TANC2: variants seen among roughly 807,000 people sequenced by gnomAD.
The protein encoded by TANC2 is tetratricopeptide repeat, ankyrin repeat and coiled-coil containing 2.
TANC2 carries 26 observed loss-of-function variants against 210.5 expected under a neutral mutation model. The observed-to-expected ratio is 0.12, with a 90% CI of 0.09 to 0.17. The LOEUF (loss-of-function observed/expected upper bound fraction) is 0.17. TANC2 is among the 10% of genes least tolerant of loss of function. TANC2 has a pLI of 1.00. For synonymous variants in TANC2, 931 were observed against 967.1 expected (o/e 0.96, Z 0.69); for missense variants, 2,129 against 2,608.9 (o/e 0.82, Z 4.01).
chr17:63,132,129 CAG>C (rs745328758), intron 4 of TANC2, among the ~76,000 whole-genome samples: 10 of 152,094 alleles, frequency 6.6e-5, no homozygotes, highest in Admixed American at 6.6e-4. Context: ...AGTAAAATGA[CAG>C]AAATCACAAG....
intron 4 of TANC2, among the ~76,000 whole-genome samples, chr17:63,147,508 T>C (rs562781099): frequency 6.6e-6 from 1 of 152,332 alleles, no homozygotes; most frequent in East Asian, 1.9e-4. Context: ...TCTAATCCAG[T>C]GTTCACAAAC....
chr17:63,208,432 G>A (rs1247081452), intron 7 of TANC2, among the ~76,000 whole-genome samples: 3 of 152,264 alleles, frequency 2.0e-5, no homozygotes, highest in Non-Finnish European at 4.4e-5. Flanking sequence ...ACCGCTATAA[G>A]TCTTGATACT....
intron 4 of TANC2, among the ~76,000 whole-genome samples, chr17:63,122,251 C>T (rs1467936148): frequency 6.6e-6 from 1 of 152,174 alleles, no homozygotes; most frequent in Non-Finnish European, 1.5e-5. Context: ...TTTAATCTAG[C>T]ATCTCTAAAA....
intron 7 of TANC2, among the ~76,000 whole-genome samples, chr17:63,216,491 G>A (rs372334987): frequency 1.4e-4 from 21 of 152,314 alleles, no homozygotes; most frequent in South Asian, 1.2e-3. Context: ...TTGAACTCGA[G>A]GAGGTTGTGT....
chr17:63,175,453 G>A (rs1189821597), intron 5 of TANC2, among the ~76,000 whole-genome samples: 1 of 147,996 alleles, frequency 6.8e-6, no homozygotes, highest in South Asian at 2.1e-4. Flanking sequence ...CTGGAGCCCA[G>A]TAGTTTGAGG....
chr17:63,063,535 T>TGC (rs1568355544), intron 2 of TANC2, among the ~76,000 whole-genome samples: 2 of 83,364 alleles, frequency 2.4e-5, no homozygotes. Context: ...CAAAGACGTG[T>TGC]GTGTGTGTGT....
At chr17:63,128,093 A>G (rs1318496008) in intron 4 of TANC2, among the ~76,000 whole-genome samples, 1 of 152,248 alleles carries the variant, frequency 6.6e-6, no homozygotes, top group Non-Finnish European at 1.5e-5. Flanking sequence ...AAATACAGAA[A>G]GAAAGCACCT....
At chr17:63,152,501 A>G (rs1208663922) in intron 5 of TANC2, 1 of 152,150 alleles carries the variant, frequency 6.6e-6, no homozygotes, top group Non-Finnish European at 1.5e-5. Context: ...ACTCTTATAG[A>G]TAACCATTCT....
At chr17:63,312,259 C>T (rs930832848) in intron 9 of TANC2, among the ~76,000 whole-genome samples, 2 of 152,048 alleles carry the variant, frequency 1.3e-5, no homozygotes, top group African/African-American at 2.4e-5. Context: ...AAGACATATG[C>T]ATGCGTATGT....
At chr17:63,332,416 C>A in intron 11 of TANC2, 1 of 328,128 alleles carries the variant, frequency 3.0e-6, no homozygotes, top group South Asian at 2.8e-5. Context: ...TCACAGTACC[C>A]TGTTGGTAAT....
chr17:63,415,183 A>G (rs191832688), intron 25 of TANC2, among the ~76,000 whole-genome samples: 13 of 152,224 alleles, frequency 8.5e-5, no homozygotes, highest in Non-Finnish European at 1.2e-4. Context: ...TTAGGAAGTC[A>G]TATGTGTTAT....
At chr17:63,018,443 T>C (rs908024514) in intron 2 of TANC2, among the ~76,000 whole-genome samples, 1 of 149,594 alleles carries the variant, frequency 6.7e-6, no homozygotes, top group Non-Finnish European at 1.5e-5. Flanking sequence ...ATCTTTCCAT[T>C]GCATTCCAGC....
chr17:63,110,976 G>A (rs986374888), intron 4 of TANC2, among the ~76,000 whole-genome samples: 1 of 152,126 alleles, frequency 6.6e-6, no homozygotes, highest in Non-Finnish European at 1.5e-5. Context: ...TACCTGTATT[G>A]TATTATTGGT....
intron 5 of TANC2, among the ~76,000 whole-genome samples, chr17:63,176,929 T>C (rs2040604912): frequency 6.6e-6 from 1 of 152,060 alleles, no homozygotes. Context: ...TTCAGTATCT[T>C]GATTTTGGTA....
intron 2 of TANC2, among the ~76,000 whole-genome samples, chr17:63,041,698 A>C (rs967863424): frequency 1.3e-5 from 2 of 152,172 alleles, no homozygotes; most frequent in Non-Finnish European, 1.5e-5. Flanking sequence ...CTCTAAAAAG[A>C]GTTTTATGTT....
intron 4 of TANC2, among the ~76,000 whole-genome samples, chr17:63,103,273 C>A (rs1454144066): frequency 2.6e-5 from 4 of 152,084 alleles, no homozygotes; most frequent in Non-Finnish European, 5.9e-5. Context: ...GTCTTCCATG[C>A]CGGTGTATAT....
Position 63,388,596 on chromosome 17 carries a change from G to C in TANC2, c.2692-39G>C, listed in dbSNP as rs769716811. Reference sequence around the variant, plus strand: ...TTCACCACTGATGCTACTTTTTTTTGCTGGGCTACTAATTTAATTGTCTGT... The same window carrying C: ...TTCACCACTGATGCTACTTTTTTTTCCTGGGCTACTAATTTAATTGTCTGT... On this transcript the variant is annotated intron_variant, in intron 15 of 27. Coordinates refer to ENST00000689528, the Ensembl canonical transcript of TANC2. 8 of 1,559,992 alleles carry C rather than the reference G, an allele frequency of 5.1e-6. No individual in the cohort carries two copies. The African/African-American group carries it at 9.7e-5, about 19-fold the overall frequency.
At chr17:63,246,028 A>G (rs896741032) in intron 8 of TANC2, among the ~76,000 whole-genome samples, 2 of 150,570 alleles carry the variant, frequency 1.3e-5, no homozygotes, top group African/African-American at 4.9e-5. Flanking sequence ...AAAAAAAATT[A>G]TATGTATGTA....
chr17:63,369,960 C>T (rs8078255), intron 14 of TANC2, among the ~76,000 whole-genome samples: 83,244 of 151,678 alleles, frequency 0.55, 24,211 homozygotes, highest in African/African-American at 0.72. Context: ...AAAGACCAAG[C>T]GCTTTTGAGT....
Sources: allele counts gnomAD v4.1 joint callset (sites outside exome capture counted in the v4.1 genomes callset), GRCh38; gene constraint gnomAD v4.1.1; transcripts MANE v1.5; gene names NCBI Gene and HGNC (gene_info 2026-07-23, HGNC 2026-07-21).